Variants in CEP85L observed in about 807,000 individuals in gnomAD.
The protein encoded by CEP85L is centrosomal protein 85L, also known as centrosomal protein of 85 kDa-like.
In CEP85L, 60 loss-of-function variants were observed where a neutral mutation model predicts 100.3. That is an observed-to-expected ratio of 0.60 (90% CI 0.49 to 0.74). The LOEUF (loss-of-function observed/expected upper bound fraction) is 0.74, where lower values mean the gene tolerates loss of function less well. Ranked by LOEUF, CEP85L falls within the 30% of genes least tolerant of loss-of-function variation. The pLI is 0.00. For missense variants in CEP85L, 973 were observed against 936.2 expected (o/e 1.04, Z -0.51); for synonymous variants, 319 against 322.7 (o/e 0.99, Z 0.12).
At chr6:118,469,751 A>T (rs562534815) in intron 11 of CEP85L, among the ~76,000 whole-genome samples, 1 of 152,048 alleles carries the variant, frequency 6.6e-6, no homozygotes, top group Non-Finnish European at 1.5e-5. Flanking sequence ...ACAGGTAAAC[A>T]CCATGATGCC....
intron 1 of CEP85L, among the ~76,000 whole-genome samples, chr6:118,674,225 A>G (rs111757121): frequency 6.6e-6 from 1 of 152,360 alleles, no homozygotes; most frequent in African/African-American, 2.4e-5. Flanking sequence ...ACCTCAAGAA[A>G]GTGAAGAGAA....
At chr6:118,546,074 T>G (rs1458058275) in intron 3 of CEP85L, among the ~76,000 whole-genome samples, 2 of 152,168 alleles carry the variant, frequency 1.3e-5, no homozygotes, top group African/African-American at 4.8e-5. Flanking sequence ...TTAATACTCC[T>G]ATTAAACAAC....
chr6:118,541,781 C>T (rs1459737137), intron 3 of CEP85L, among the ~76,000 whole-genome samples: 1 of 152,124 alleles, frequency 6.6e-6, no homozygotes, highest in Non-Finnish European at 1.5e-5. Context: ...ACTAAAAGTG[C>T]AATTTCTTTA....
chr6:118,613,232 A>G (rs149706312), intron 2 of CEP85L, among the ~76,000 whole-genome samples: 135 of 152,104 alleles, frequency 8.9e-4, no homozygotes, highest in African/African-American at 3.0e-3. Context: ...AAGAAAAACA[A>G]TAACTGAAAT....
chr6:118,556,052 T>C (rs1030281558), intron 3 of CEP85L, among the ~76,000 whole-genome samples: 3 of 152,222 alleles, frequency 2.0e-5, no homozygotes, highest in Non-Finnish European at 4.4e-5. Context: ...AGTCTGTCAC[T>C]GATGAGCACT....
chr6:118,613,773 A>AAAAAAAG (rs56356947), intron 2 of CEP85L, among the ~76,000 whole-genome samples: 1 of 151,196 alleles, frequency 6.6e-6, no homozygotes, highest in African/African-American at 2.4e-5. Flanking sequence ...AAAAAAAAAA[A>AAAAAAAG]TTCTGGGCCC....
intron 1 of CEP85L, among the ~76,000 whole-genome samples, chr6:118,708,783 C>T (rs950111633): frequency 1.3e-5 from 2 of 152,146 alleles, no homozygotes; most frequent in African/African-American, 4.8e-5. Context: ...TTCCTCCCTC[C>T]CTTTTCCCTA....
upstream of CEP85L, among the ~76,000 whole-genome samples, chr6:118,653,942 C>T (rs1252706358): frequency 6.6e-6 from 1 of 152,078 alleles, no homozygotes; most frequent in Admixed American, 6.6e-5. Flanking sequence ...CAAAAAAAGA[C>T]ATTATTTAAA....
intron 4 of CEP85L, among the ~76,000 whole-genome samples, chr6:118,515,459 A>G (rs1275556894): frequency 5.9e-5 from 9 of 152,244 alleles, no homozygotes; most frequent in Non-Finnish European, 4.4e-5. Context: ...TCAAGGATAC[A>G]TGAAACACTT....
rs1291975995 is a variant in CEP85L, at chr6:118,511,397, G to A, written c.1158C>T (p.Thr386=). ...TATCCCTTATCCTCTCATGCAGGTGGGTAATTTGTTGCTTCTGCCTGCAAA... is the reference window on the plus strand; with the variant it reads ...TATCCCTTATCCTCTCATGCAGGTGAGTAATTTGTTGCTTCTGCCTGCAAA... The part of the protein sequence containing the change: ...IVIDRQKQQI[T]HLHERIRDNE... The change falls in exon 5 of 13, where the codon ACC becomes ACT. Residue 386 remains threonine (T), a synonymous_variant. Transcript: ENST00000368491. 12 of 1,611,418 alleles carry A rather than the reference G, an allele frequency of 7.4e-6. No individual in the cohort carries two copies. Among genetic ancestry groups the A allele is most frequent in the Non-Finnish European group, 8.5e-6 (10 of 1,178,332 alleles).
At chr6:118,617,275 G>C (rs1773124220) in intron 2 of CEP85L, among the ~76,000 whole-genome samples, 1 of 152,018 alleles carries the variant, frequency 6.6e-6, no homozygotes, top group Non-Finnish European at 1.5e-5. Flanking sequence ...TCTTCCCCAA[G>C]AAAGCTATAA....
intron 1 of CEP85L, among the ~76,000 whole-genome samples, chr6:118,701,428 G>T (rs1009402937): frequency 6.6e-6 from 1 of 152,172 alleles, no homozygotes; most frequent in African/African-American, 2.4e-5. Context: ...ATACACCACG[G>T]AGTACTACAC....
intron 5 of CEP85L, among the ~76,000 whole-genome samples, chr6:118,494,782 C>G (rs1466044856): frequency 1.3e-5 from 2 of 152,086 alleles, no homozygotes; most frequent in Non-Finnish European, 2.9e-5. Flanking sequence ...ACAAAAATTA[C>G]AAGACACGCA....
intron 3 of CEP85L, among the ~76,000 whole-genome samples, chr6:118,564,764 A>G (rs868708984): frequency 1.4e-4 from 22 of 152,142 alleles, no homozygotes; most frequent in Admixed American, 2.0e-4. Flanking sequence ...GTTTCAGAAA[A>G]TTCTGATGAT....
upstream of CEP85L, chr6:118,652,650 T>TA: frequency 6.5e-7 from 1 of 1,528,598 alleles, no homozygotes; most frequent in Non-Finnish European, 8.8e-7. Context: ...AAATACTACT[T>TA]AAAATTCTTG....
intron 3 of CEP85L, among the ~76,000 whole-genome samples, chr6:118,527,015 T>C (rs979828600): frequency 2.7e-5 from 4 of 145,834 alleles, no homozygotes; most frequent in Admixed American, 2.7e-4. Context: ...TTTTTTTTTT[T>C]TTTTTTTTTT....
chr6:118,503,364 T>C (rs1315098902), intron 5 of CEP85L, among the ~76,000 whole-genome samples: 1 of 152,160 alleles, frequency 6.6e-6, no homozygotes, highest in East Asian at 1.9e-4. Context: ...GTTGGTTCTT[T>C]CCAATTTGAT....
intron 1 of CEP85L, among the ~76,000 whole-genome samples, chr6:118,662,258 G>A (rs914127375): frequency 6.6e-6 from 1 of 152,048 alleles, no homozygotes; most frequent in South Asian, 2.1e-4. Flanking sequence ...GGCCGGGTGC[G>A]GTGGCTCACT....
chr6:118,525,001 A>G (rs2114794177), intron 3 of CEP85L, among the ~76,000 whole-genome samples: 1 of 152,292 alleles, frequency 6.6e-6, no homozygotes, highest in East Asian at 1.9e-4. Flanking sequence ...TCTTGCTTTG[A>G]TGATTGTTTG....
Sources: gnomAD v4.1 joint callset for allele counts (sites outside exome capture counted in the v4.1 genomes callset) on GRCh38, gnomAD v4.1.1 for gene constraint, MANE v1.5 for transcripts, NCBI Gene and HGNC (gene_info 2026-07-23, HGNC 2026-07-21) for gene names.